Variants in LIN28B observed in about 807,000 individuals in gnomAD.
LIN28B encodes the protein lin-28 RNA binding posttranscriptional regulator B.
In LIN28B, 5 loss-of-function variants were observed where a neutral mutation model predicts 21.9. That is an observed-to-expected ratio of 0.23 (90% CI 0.12 to 0.48). The LOEUF is 0.48. Ranked by LOEUF, LIN28B falls within the 20% of genes least tolerant of loss-of-function variation. The probability of loss-of-function intolerance (pLI) is 0.98; values close to 1 mark genes in which losing one functional copy is unlikely to be tolerated. For synonymous variants in LIN28B, 109 were observed against 111.3 expected (o/e 0.98, Z 0.13); for missense variants, 245 against 310.5 (o/e 0.79, Z 1.58).
chr6:105,061,591 C>T (rs757242069), intron 3 of LIN28B, among the ~76,000 whole-genome samples: 8 of 147,318 alleles, frequency 5.4e-5, no homozygotes, highest in Non-Finnish European at 8.9e-5. Context: ...GAAATTTCAC[C>T]TACCATTTAT....
At chr6:105,035,140 C>A (rs1184132235) in intron 3 of LIN28B, among the ~76,000 whole-genome samples, 2 of 151,818 alleles carry the variant, frequency 1.3e-5, no homozygotes, top group Non-Finnish European at 2.9e-5. Context: ...CAGAAAAAAA[C>A]CCATGTTTAG....
At chr6:104,964,907 GTGTTATA>G (rs1327711428) in intron 2 of LIN28B, among the ~76,000 whole-genome samples, 14 of 152,204 alleles carry the variant, frequency 9.2e-5, no homozygotes, top group African/African-American at 2.6e-4. Flanking sequence ...GATAGATTTA[GTGTTATA>G]ATTTTTTCTA....
intron 3 of LIN28B, chr6:105,058,254 G>A (rs1772059485): frequency 1.1e-5 from 2 of 176,314 alleles, no homozygotes; most frequent in East Asian, 1.8e-4. Context: ...CAGTTCTCAA[G>A]GGGGAGATCG....
chr6:105,071,799 TTGAG>T (rs1772338748), intron 3 of LIN28B, among the ~76,000 whole-genome samples: 1 of 152,242 alleles, frequency 6.6e-6, no homozygotes, highest in South Asian at 2.1e-4. Context: ...TGGAATTTTA[TTGAG>T]TGAGTTTGAT....
intron 2 of LIN28B, among the ~76,000 whole-genome samples, chr6:104,962,453 A>C (rs1349348164): frequency 6.6e-6 from 1 of 152,062 alleles, no homozygotes; most frequent in Non-Finnish European, 1.5e-5. Context: ...CCACATTAGA[A>C]AGGCTTTATA....
At chr6:104,966,707 C>T (rs188575702) in intron 2 of LIN28B, among the ~76,000 whole-genome samples, 2 of 151,500 alleles carry the variant, frequency 1.3e-5, no homozygotes, top group Non-Finnish European at 2.9e-5. Context: ...CTGCAAGCTC[C>T]GCCTCCCAGG....
At chr6:105,058,760 A>G (rs1276452241) in intron 3 of LIN28B, among the ~76,000 whole-genome samples, 1 of 152,190 alleles carries the variant, frequency 6.6e-6, no homozygotes, top group Non-Finnish European at 1.5e-5. Context: ...TAATTATGTT[A>G]TATATAATGT....
intron 2 of LIN28B, among the ~76,000 whole-genome samples, chr6:105,016,799 G>A (rs980726502): frequency 6.6e-6 from 1 of 152,096 alleles, no homozygotes; most frequent in Non-Finnish European, 1.5e-5. Context: ...GCTCATGCCT[G>A]TAATCCCAGC....
intron 3 of LIN28B, among the ~76,000 whole-genome samples, chr6:105,034,992 C>T (rs1225635797): frequency 1.3e-5 from 2 of 151,726 alleles, no homozygotes; most frequent in African/African-American, 2.4e-5. Flanking sequence ...TAATTCTGCC[C>T]CACTCCCACC....
At chr6:105,005,835 G>C (rs1426817837) in intron 2 of LIN28B, among the ~76,000 whole-genome samples, 1 of 152,110 alleles carries the variant, frequency 6.6e-6, no homozygotes, top group African/African-American at 2.4e-5. Context: ...TTTTTTCTGT[G>C]TTCTTTTTGG....
intron 2 of LIN28B, among the ~76,000 whole-genome samples, chr6:104,977,504 CTA>C (rs950062064): frequency 2.6e-5 from 4 of 151,944 alleles, no homozygotes; most frequent in South Asian, 2.1e-4. Context: ...ATTGTAAACT[CTA>C]TGTGGAAATT....
At chr6:105,049,293 T>C (rs1332841226) in intron 3 of LIN28B, among the ~76,000 whole-genome samples, 2 of 152,232 alleles carry the variant, frequency 1.3e-5, no homozygotes, top group Non-Finnish European at 2.9e-5. Flanking sequence ...TTATTCAGTT[T>C]CCATGTAGTT....
chr6:105,031,935 C>G (rs1771433540), intron 3 of LIN28B, among the ~76,000 whole-genome samples: 1 of 152,080 alleles, frequency 6.6e-6, no homozygotes, highest in African/African-American at 2.4e-5. Context: ...TAATGGTTAC[C>G]CCTTCCCCAC....
intron 2 of LIN28B, among the ~76,000 whole-genome samples, chr6:105,024,326 A>G (rs754825997): frequency 2.6e-5 from 4 of 152,144 alleles, no homozygotes; most frequent in Non-Finnish European, 5.9e-5. Flanking sequence ...AACAAAACAT[A>G]TGAACATATG....
intron 3 of LIN28B, among the ~76,000 whole-genome samples, chr6:105,057,296 C>T (rs1206799686): frequency 6.6e-6 from 1 of 152,170 alleles, no homozygotes; most frequent in African/African-American, 2.4e-5. Context: ...ATATACGTGA[C>T]ACTGAATTTA....
intron 3 of LIN28B, among the ~76,000 whole-genome samples, chr6:105,067,918 G>A (rs1214408864): frequency 2.0e-5 from 3 of 151,988 alleles, no homozygotes; most frequent in African/African-American, 7.2e-5. Flanking sequence ...TGTCTTGTTT[G>A]CTTTTAAAAC....
intron 2 of LIN28B, among the ~76,000 whole-genome samples, chr6:104,991,868 C>T (rs982261688): frequency 3.9e-5 from 6 of 152,146 alleles, no homozygotes; most frequent in African/African-American, 1.4e-4. Flanking sequence ...CGAAAACAGT[C>T]GGGGTGGCGG....
upstream of LIN28B, among the ~76,000 whole-genome samples, chr6:104,955,375 A>G (rs979337842): frequency 2.6e-5 from 4 of 152,218 alleles, no homozygotes; most frequent in East Asian, 7.7e-4. Flanking sequence ...AAAATGAGAA[A>G]GTAGCCCTTT....
intron 2 of LIN28B, among the ~76,000 whole-genome samples, chr6:104,988,258 A>G (rs1348181005): frequency 1.3e-5 from 2 of 152,118 alleles, no homozygotes; most frequent in East Asian, 1.9e-4. Context: ...TTTATTATGA[A>G]CAAATGTTTT....
Sources: allele counts gnomAD v4.1 joint callset (sites outside exome capture counted in the v4.1 genomes callset), GRCh38; gene constraint gnomAD v4.1.1; transcripts MANE v1.5; gene names NCBI Gene and HGNC (gene_info 2026-07-23, HGNC 2026-07-21).